ZC3H13: variants seen among roughly 807,000 people sequenced by gnomAD.
The protein encoded by ZC3H13 is zinc finger CCCH-type containing 13, also known as zinc finger CCCH domain-containing protein 13.
ZC3H13 carries 64 observed loss-of-function variants against 204.1 expected under a neutral mutation model. That is an observed-to-expected ratio of 0.31 (90% CI 0.26 to 0.39). The LOEUF (loss-of-function observed/expected upper bound fraction) is 0.39. Ranked by LOEUF, ZC3H13 falls within the 10% of genes least tolerant of loss-of-function variation. ZC3H13 has a pLI of 1.00. For synonymous variants in ZC3H13, 667 were observed against 693.7 expected (o/e 0.96, Z 0.60); for missense variants, 1,833 against 2,082.7 (o/e 0.88, Z 2.33).
At chr13:45,992,713 C>T (rs2040051234) in intron 8 of ZC3H13, among the ~76,000 whole-genome samples, 1 of 152,166 alleles carries the variant, frequency 6.6e-6, no homozygotes, top group Non-Finnish European at 1.5e-5. Context: ...AAGAGTCTGG[C>T]ATTTGAAATC....
chr13:45,988,281 GGAGTCTT>G (rs1034627112), intron 9 of ZC3H13, among the ~76,000 whole-genome samples: 5 of 152,068 alleles, frequency 3.3e-5, no homozygotes, highest in Non-Finnish European at 7.4e-5. Flanking sequence ...TTTTTGAGAT[GGAGTCTT>G]GCACTGTTGC....
chr13:46,024,008 G>A (rs78211423), intron 4 of ZC3H13, among the ~76,000 whole-genome samples: 1 of 152,186 alleles, frequency 6.6e-6, no homozygotes, highest in Non-Finnish European at 1.5e-5. Context: ...GCTTAGGCCT[G>A]CTTCCTGAAT....
chr13:46,032,481 A>AT (rs930404516), intron 4 of ZC3H13, among the ~76,000 whole-genome samples: 4 of 152,048 alleles, frequency 2.6e-5, no homozygotes, highest in African/African-American at 4.8e-5. Flanking sequence ...ATGAAATAAC[A>AT]TTTTTTTCTA....
chr13:46,033,984 G>A (rs2043057827), intron 4 of ZC3H13, among the ~76,000 whole-genome samples: 1 of 152,060 alleles, frequency 6.6e-6, no homozygotes, highest in Non-Finnish European at 1.5e-5. Flanking sequence ...CCTAATTTAT[G>A]AGCAAAAGAT....
At chr13:45,964,895 T>G (rs916942769) in intron 16 of ZC3H13, among the ~76,000 whole-genome samples, 1 of 152,202 alleles carries the variant, frequency 6.6e-6, no homozygotes, top group Non-Finnish European at 1.5e-5. Flanking sequence ...TGTAAATTTT[T>G]GACAGGTTGT....
At chr13:46,006,221 T>C (rs533986126) in intron 7 of ZC3H13, among the ~76,000 whole-genome samples, 4 of 152,192 alleles carry the variant, frequency 2.6e-5, no homozygotes, top group African/African-American at 9.6e-5. Context: ...ATCTCTGACT[T>C]GACCAGTCAG....
chr13:45,972,920 G>C (rs1385794451), intron 12 of ZC3H13, among the ~76,000 whole-genome samples: 1 of 152,208 alleles, frequency 6.6e-6, no homozygotes, highest in Non-Finnish European at 1.5e-5. Flanking sequence ...GGGTCAAGTG[G>C]AGGAGAAACA....
rs116440818 is a variant in ZC3H13, at chr13:46,007,730, A to G, written c.746+2618T>C. On this transcript the variant is annotated intron_variant, in intron 7 of 18. Coordinates refer to ENST00000679008, the MANE Select transcript of ZC3H13 (RefSeq NM_001330564.2). ...AAGATCTTCAACATTTAAAAAGTCA[A>G]CTAATTGTTGTTTCAGTGGCACAGA... Among the ~76,000 whole-genome samples the G allele has an allele frequency of 8.5e-3, 1,292 of 152,300 alleles. 18 individuals carry two copies. The highest frequency in any genetic ancestry group is 0.029 in the African/African-American group (1,211 of 41,546).
intron 13 of ZC3H13, 59 bp from the exon 14 acceptor site, chr13:45,970,030 A>G: frequency 2.6e-6 from 4 of 1,511,538 alleles, no homozygotes; most frequent in Non-Finnish European, 3.5e-6. Context: ...TGCATGGTAC[A>G]TATAGATTAT....
At chr13:46,047,288 A>G (rs1044223104) in intron 1 of ZC3H13, among the ~76,000 whole-genome samples, 9 of 152,206 alleles carry the variant, frequency 5.9e-5, no homozygotes, top group Non-Finnish European at 1.0e-4. Flanking sequence ...TTTTATCAAT[A>G]TAAAATGTAA....
chr13:45,989,270 CTTAACT>C (rs991556684), intron 8 of ZC3H13, among the ~76,000 whole-genome samples, 173 bp from the exon 9 acceptor site: 57 of 152,304 alleles, frequency 3.7e-4, no homozygotes, highest in African/African-American at 1.3e-3. Flanking sequence ...AACGACGTGA[CTTAACT>C]TTAAGTCAAC....
rs1365121095 is a variant in ZC3H13, at chr13:45,985,264, A to T, written c.1720+33T>A. 3.3e-6 allele frequency: 5 copies of T among 1,529,796 alleles called. No homozygotes were observed. The South Asian group carries it at 5.1e-5, about 16-fold the overall frequency. 94.8% of individuals were successfully genotyped at this position (1,529,796 alleles called of 1,614,324 possible). On this transcript the variant is annotated intron_variant, in intron 10 of 18. Transcript: ENST00000679008. ...TAGGAGATTTTATACTTTCTATATA[A>T]GATATAGTTCATAGACAAGTCAAAA...
At chr13:45,982,507 A>C (rs768492785) in intron 10 of ZC3H13, among the ~76,000 whole-genome samples, 1 of 151,614 alleles carries the variant, frequency 6.6e-6, no homozygotes, top group Non-Finnish European at 1.5e-5. Context: ...AGTTACATTT[A>C]AAAAAAAATT....
At chr13:46,026,512 C>CT (rs930868822) in intron 4 of ZC3H13, among the ~76,000 whole-genome samples, 1 of 151,512 alleles carries the variant, frequency 6.6e-6, no homozygotes, top group African/African-American at 2.4e-5. Context: ...GAAAATACAC[C>CT]TTTTTTTTAA....
chr13:46,011,439 T>C lies in ZC3H13; in HGVS notation c.564A>G (p.Arg188=). Residue 188 remains arginine (R), a synonymous_variant, in exon 6 of 19, where the codon AGA becomes AGG. Coordinates refer to ENST00000679008, the MANE Select transcript of ZC3H13 (RefSeq NM_001330564.2). ...MKLEQENMEK[R]EEIIIKKEVS... is the part of the protein sequence containing the mutation. ...CCTCCTTTTTAATGATAATTTCTTCTCTCTTCTCCATGTTTTCTTGTTCCA... is the reference window on the plus strand; with the variant it reads ...CCTCCTTTTTAATGATAATTTCTTCCCTCTTCTCCATGTTTTCTTGTTCCA... The C allele has an allele frequency of 6.2e-7, 1 of 1,605,090 alleles. No individual in the cohort carries two copies. Among genetic ancestry groups the C allele is most frequent in the Non-Finnish European group, 8.5e-7 (1 of 1,176,742 alleles).
At chr13:46,037,881 C>A (rs931546102) in intron 4 of ZC3H13, among the ~76,000 whole-genome samples, 2 of 152,194 alleles carry the variant, frequency 1.3e-5, no homozygotes, top group African/African-American at 2.4e-5. Flanking sequence ...ATTTTACTTT[C>A]TTTTCATACT....
At chr13:45,994,796 G>A (rs1227796593) in intron 8 of ZC3H13, among the ~76,000 whole-genome samples, 1 of 152,144 alleles carries the variant, frequency 6.6e-6, no homozygotes, top group East Asian at 1.9e-4. Context: ...AGAATATGAA[G>A]CAGAGGACCA....
chr13:45,967,145 C>G (rs1452009910), intron 15 of ZC3H13, among the ~76,000 whole-genome samples: 1 of 152,098 alleles, frequency 6.6e-6, no homozygotes, highest in Admixed American at 6.6e-5. Context: ...ATTTGAATCC[C>G]TCTCTGAACT....
intron 4 of ZC3H13, among the ~76,000 whole-genome samples, chr13:46,027,688 T>A (rs2042623319): frequency 6.6e-6 from 1 of 152,196 alleles, no homozygotes; most frequent in Non-Finnish European, 1.5e-5. Context: ...GAACTGGGAA[T>A]ATTTTGTTAT....
Sources: allele counts gnomAD v4.1 joint callset (sites outside exome capture counted in the v4.1 genomes callset), GRCh38; gene constraint gnomAD v4.1.1; transcripts MANE v1.5; gene names NCBI Gene and HGNC (gene_info 2026-07-23, HGNC 2026-07-21).